MAP2K5: variants seen among roughly 807,000 people sequenced by gnomAD.
MAP2K5 encodes the protein dual specificity mitogen-activated protein kinase kinase 5.
MAP2K5 carries 49 observed loss-of-function variants against 83.1 expected under a neutral mutation model. That is an observed-to-expected ratio of 0.59 (90% CI 0.47 to 0.75). The LOEUF is 0.75. Among genes scored for constraint, MAP2K5 ranks in the 30% least tolerant of loss-of-function variants. The pLI is 0.00. For missense variants in MAP2K5, 457 were observed against 557.5 expected, an observed-to-expected ratio of 0.82 and a Z score of 1.82; for synonymous variants, 202 against 191.8, an observed-to-expected ratio of 1.05 and a Z score of -0.44.
intron 16 of MAP2K5, among the ~76,000 whole-genome samples, chr15:67,705,128 G>A (rs2088517681): frequency 6.6e-6 from 1 of 152,206 alleles, no homozygotes; most frequent in African/African-American, 2.4e-5. Context: ...GTGTGACTGA[G>A]ACAGTGATAA....
intron 13 of MAP2K5, among the ~76,000 whole-genome samples, chr15:67,680,709 T>A (rs1387565835): frequency 6.6e-6 from 1 of 152,232 alleles, no homozygotes; most frequent in Non-Finnish European, 1.5e-5. Context: ...CATAACCACC[T>A]ATTATCTACT....
intron 2 of MAP2K5, among the ~76,000 whole-genome samples, chr15:67,556,568 T>A (rs545431487): frequency 1.3e-5 from 2 of 150,918 alleles, no homozygotes; most frequent in South Asian, 4.2e-4. Context: ...TTTTTTTTTT[T>A]TGAGATGGAG....
chr15:67,769,915 C>A lies in MAP2K5; in HGVS notation c.1196+252C>A. On this transcript the variant is annotated intron_variant, in intron 20 of 21. Coordinates refer to ENST00000178640, the MANE Select transcript of MAP2K5 (RefSeq NM_145160.3). The surrounding 1 kb of genome is among the most constrained non-coding windows in gnomAD (Gnocchi z 5.2). ...TAAACTGCTGAAAGTCATGATACTT[C>A]TTTAAGCACAAATACTGTTGCCATC... The A allele has an allele frequency of 2.6e-6, 1 of 380,098 alleles. No individual in the cohort carries two copies. Among genetic ancestry groups the A allele is most frequent in the Non-Finnish European group, 4.7e-6 (1 of 211,238 alleles). The allele number at this position is 380,098 out of a possible 1,614,324, so 23.5% of individuals were successfully genotyped here.
intron 11 of MAP2K5, among the ~76,000 whole-genome samples, chr15:67,648,066 A>G (rs2086868217): frequency 6.6e-6 from 1 of 152,128 alleles, no homozygotes; most frequent in Non-Finnish European, 1.5e-5. Context: ...AAAATTTTTT[A>G]TTGAAATATA....
chr15:67,754,088 A>T (rs1005005289), intron 19 of MAP2K5, among the ~76,000 whole-genome samples: 3 of 152,262 alleles, frequency 2.0e-5, no homozygotes, highest in African/African-American at 4.8e-5. Context: ...CACAATAGGG[A>T]AGTCTATAGA....
chr15:67,579,956 C>T (rs1432701451), intron 3 of MAP2K5, among the ~76,000 whole-genome samples: 1 of 152,064 alleles, frequency 6.6e-6, no homozygotes, highest in Non-Finnish European at 1.5e-5. Context: ...GATATTTTTC[C>T]ACTAGGAGCA....
chr15:67,660,529 C>G lies in MAP2K5; in HGVS notation c.798+1915C>G, dbSNP rs188155896. 9.9e-5 allele frequency among the ~76,000 whole-genome samples: 15 copies of G among 152,228 alleles called. No individual in the cohort carries two copies. The East Asian group carries it at 2.9e-3, about 29-fold the overall frequency. On this transcript the variant is annotated intron_variant, in intron 12 of 21. Transcript: ENST00000178640. ...TACTGAAGATGGCATCAACATCTTTCCCTTGAGTTCCCTCATGGAGGCCAA... is the reference window on the plus strand; with the variant it reads ...TACTGAAGATGGCATCAACATCTTTGCCTTGAGTTCCCTCATGGAGGCCAA...
At chr15:67,630,450 C>A (rs1222480657) in intron 8 of MAP2K5, among the ~76,000 whole-genome samples, 18 of 149,890 alleles carry the variant, frequency 1.2e-4, no homozygotes, top group Non-Finnish European at 2.4e-4. Flanking sequence ...AAAAAATAAG[C>A]AAAAAAAATG....
intron 4 of MAP2K5, among the ~76,000 whole-genome samples, chr15:67,584,821 C>G (rs1010900548): frequency 1.3e-5 from 2 of 151,316 alleles, no homozygotes; most frequent in Non-Finnish European, 2.9e-5. Context: ...CTCAGCCTCC[C>G]GAGTAGCTGG....
Position 67,785,354 on chromosome 15 carries a change from T to C in MAP2K5, c.1242+12602T>C, listed in dbSNP as rs2090398394. Among the ~76,000 whole-genome samples, 1 of 152,188 alleles carries C rather than the reference T, an allele frequency of 6.6e-6. No homozygotes were observed. Among genetic ancestry groups the C allele is most frequent in the East Asian group, 1.9e-4 (1 of 5,204 alleles). On this transcript the variant is annotated intron_variant, in intron 21 of 21. Coordinates refer to ENST00000178640, the MANE Select transcript of MAP2K5 (RefSeq NM_145160.3). The surrounding 1 kb of genome is among the most constrained non-coding windows in gnomAD (Gnocchi z 4.4). ...AGTTCAGCTTTTTGGAGCAAAACGTTGTGAGCGAAGAAAGCTGTTTGCGGT... is the reference window on the plus strand; with the variant it reads ...AGTTCAGCTTTTTGGAGCAAAACGTCGTGAGCGAAGAAAGCTGTTTGCGGT...
At chr15:67,622,361 A>T (rs781198557) in intron 8 of MAP2K5, among the ~76,000 whole-genome samples, 17 of 152,140 alleles carry the variant, frequency 1.1e-4, no homozygotes, top group Non-Finnish European at 2.4e-4. Context: ...ATTGTGCATA[A>T]GGGAGACTGG....
In MAP2K5 at chr15:67,676,912, G is replaced by T. The variant is rs1300851054; in HGVS notation, c.847+12267G>T. Among the ~76,000 whole-genome samples the T allele has an allele frequency of 6.6e-6, 1 of 152,184 alleles. No individual in the cohort carries two copies. The highest frequency in any genetic ancestry group is 2.4e-5 in the African/African-American group (1 of 41,448). On this transcript the variant is annotated intron_variant, in intron 13 of 21. Coordinates refer to ENST00000178640, the MANE Select transcript of MAP2K5 (RefSeq NM_145160.3). The surrounding 1 kb of genome is among the most constrained non-coding windows in gnomAD (Gnocchi z 4.8). The stretch of plus-strand genomic sequence containing the variant: ...CTTCCTCTTAATTCATCTTAGCTAT[G>T]TGACCTTGGGTCAGCTTCTTAACTT...
At chr15:67,575,760 T>C (rs1040792282) in intron 3 of MAP2K5, among the ~76,000 whole-genome samples, 1 of 152,070 alleles carries the variant, frequency 6.6e-6, no homozygotes, top group African/African-American at 2.4e-5. Context: ...TAGAATAGGA[T>C]AGGATTGTAA....
intron 8 of MAP2K5, among the ~76,000 whole-genome samples, chr15:67,624,817 G>T (rs1388407009): frequency 2.6e-5 from 4 of 152,044 alleles, no homozygotes; most frequent in East Asian, 1.9e-4. Context: ...TTTTAGTAGA[G>T]ATGGGGTTTC....
intron 16 of MAP2K5, among the ~76,000 whole-genome samples, chr15:67,704,744 T>C (rs1364788667): frequency 6.6e-6 from 1 of 152,238 alleles, no homozygotes; most frequent in Non-Finnish European, 1.5e-5. Context: ...CTTATTCTAT[T>C]AGCCTGTTTC....
chr15:67,766,249 G>C (rs1346530539), intron 19 of MAP2K5, among the ~76,000 whole-genome samples: 1 of 152,164 alleles, frequency 6.6e-6, no homozygotes, highest in Admixed American at 6.5e-5. Flanking sequence ...CTCCGATTGA[G>C]GCTTTTGGTT....
chr15:67,649,055 C>T (rs1037628995), intron 11 of MAP2K5, among the ~76,000 whole-genome samples: 1 of 152,134 alleles, frequency 6.6e-6, no homozygotes, highest in African/African-American at 2.4e-5. Flanking sequence ...CAATACTTGT[C>T]ATTTTGTGTC....
chr15:67,613,895 G>A (rs1176594533), intron 8 of MAP2K5, among the ~76,000 whole-genome samples: 1 of 151,930 alleles, frequency 6.6e-6, no homozygotes, highest in Non-Finnish European at 1.5e-5. Flanking sequence ...GACCCACTAG[G>A]GTACTATTTA....
In MAP2K5 at chr15:67,738,662, G is replaced by T. The variant is rs957222555; in HGVS notation, c.1075-9569G>T. On this transcript the variant is annotated intron_variant, in intron 17 of 21. Coordinates refer to ENST00000178640, the MANE Select transcript of MAP2K5 (RefSeq NM_145160.3). This position sits in a 1 kb window ranked among gnomAD's most constrained non-coding sequence, Gnocchi z 4.1. Reference sequence around the variant, plus strand: ...ATTTACAGAATTGTGGGTAGACAGTGTATAGAGGAGATGGGGATCCACCCA... The same window carrying T: ...ATTTACAGAATTGTGGGTAGACAGTTTATAGAGGAGATGGGGATCCACCCA... 6.6e-6 allele frequency among the ~76,000 whole-genome samples: 1 copy of T among 152,198 alleles called. No homozygotes were observed. Among genetic ancestry groups the T allele is most frequent in the Admixed American group, 6.5e-5 (1 of 15,278 alleles).
Sources: allele counts gnomAD v4.1 joint callset (sites outside exome capture counted in the v4.1 genomes callset), GRCh38; gene constraint gnomAD v4.1.1; non-coding constraint Gnocchi (gnomAD v3.1); transcripts MANE v1.5; gene names NCBI Gene and HGNC (gene_info 2026-07-23, HGNC 2026-07-21).